The following THADA variants were observed in gnomAD, a reference collection of about 807,000 sequenced individuals.
THADA encodes the protein tRNA (32-2'-O)-methyltransferase regulator THADA.
Under a neutral mutation model 219.8 loss-of-function variants are expected in THADA, and 213 were observed. That is an observed-to-expected ratio of 0.97 (90% CI 0.87 to 1.09). The LOEUF is 1.09. Ranked by LOEUF, THADA falls within the 50% of genes least tolerant of loss-of-function variation. The probability of loss-of-function intolerance (pLI) is 0.00; values close to 1 mark genes in which losing one functional copy is unlikely to be tolerated. For synonymous variants in THADA, 1,018 were observed against 828.9 expected, an observed-to-expected ratio of 1.23 and a Z score of -3.92; for missense variants, 2,956 against 2,311.3, an observed-to-expected ratio of 1.28 and a Z score of -5.72.
At chr2:43,341,138 C>T (rs1667018242) in intron 30 of THADA, among the ~76,000 whole-genome samples, 1 of 152,106 alleles carries the variant, frequency 6.6e-6, no homozygotes, top group African/African-American at 2.4e-5. Flanking sequence ...TAAAAGTGTG[C>T]TGGGGAGCAA....
chr2:43,586,367 T>C (rs1280727929), intron 7 of THADA, 34 bp downstream of exon 7: 3 of 1,527,788 alleles, frequency 2.0e-6, no homozygotes, highest in Non-Finnish European at 2.6e-6. Flanking sequence ...CAACTGCAAG[T>C]GTGCACACAC....
At chr2:43,287,821 C>A (rs1011455523) in intron 34 of THADA, among the ~76,000 whole-genome samples, 3 of 152,310 alleles carry the variant, frequency 2.0e-5, no homozygotes, top group Middle Eastern at 3.4e-3. Context: ...TTGGGAGTAA[C>A]AGGTGATTAA....
intron 36 of THADA, among the ~76,000 whole-genome samples, chr2:43,275,526 G>A (rs986984197): frequency 6.6e-5 from 10 of 152,198 alleles, no homozygotes; most frequent in East Asian, 1.9e-4. Flanking sequence ...TAAGTGGAAC[G>A]TATGTGGTTC....
chr2:43,253,446 C>T (rs781315922), intron 36 of THADA, among the ~76,000 whole-genome samples: 1 of 152,072 alleles, frequency 6.6e-6, no homozygotes, highest in Non-Finnish European at 1.5e-5. Context: ...CACTACTGAA[C>T]CTTCTCTCTC....
intron 20 of THADA, among the ~76,000 whole-genome samples, chr2:43,543,474 A>C (rs2103829372): frequency 6.6e-6 from 1 of 151,080 alleles, no homozygotes; most frequent in Non-Finnish European, 1.5e-5. Context: ...TGGTTGAACT[A>C]GTTTACAGTC....
chr2:43,529,065 C>A (rs983168392), intron 21 of THADA, among the ~76,000 whole-genome samples: 2 of 152,048 alleles, frequency 1.3e-5, no homozygotes, highest in African/African-American at 4.8e-5. Context: ...CAAGACAGAA[C>A]CATGGAATTT....
intron 37 of THADA, 129 bp from the exon 38 acceptor site, chr2:43,231,472 T>C (rs13402621): frequency 0.23 from 204,578 of 907,738 alleles, 27,776 homozygotes; most frequent in African/African-American, 0.54. Context: ...GGTGCACTCT[T>C]GCCTGTCAAC....
Position 43,556,381 on chromosome 2 carries a change from T to C in THADA, c.2638A>G (p.Arg880Gly). The change falls in exon 17 of 38, where the codon AGG (arginine) becomes GGG (glycine). Residue 880 changes from arginine to glycine, a missense_variant. Physicochemically the swap from Arg to Gly is moderately radical, Grantham distance 125 (BLOSUM62 -2). Coordinates refer to ENST00000405975, the MANE Select transcript of THADA (RefSeq NM_022065.5). ...TQQVACDNGD[R>G]PAAVVERNTL... Reference sequence around the variant, plus strand: ...TTCCTTTCCACCACAGCAGCAGGCCTATCTCCATTATCACATGCAACTTGC... The same window carrying C: ...TTCCTTTCCACCACAGCAGCAGGCCCATCTCCATTATCACATGCAACTTGC... The C allele has an allele frequency of 2.5e-6, 4 of 1,613,906 alleles. No homozygotes were observed. Among genetic ancestry groups the C allele is most frequent in the Non-Finnish European group, 3.4e-6 (4 of 1,179,836 alleles).
chr2:43,376,983 T>C (rs1671452230), intron 29 of THADA, among the ~76,000 whole-genome samples: 1 of 152,096 alleles, frequency 6.6e-6, no homozygotes, highest in Non-Finnish European at 1.5e-5. Flanking sequence ...CTCAGGTCTG[T>C]TTTCCCATTC....
chr2:43,293,409 T>A (rs1558532587), intron 31 of THADA, among the ~76,000 whole-genome samples, 196 bp from the exon 32 acceptor site: 1 of 152,188 alleles, frequency 6.6e-6, no homozygotes, highest in Non-Finnish European at 1.5e-5. Context: ...TTAGGTAATG[T>A]ATAATTTTTC....
chr2:43,531,870 A>T (rs1323535206), intron 21 of THADA, among the ~76,000 whole-genome samples: 2 of 152,098 alleles, frequency 1.3e-5, no homozygotes, highest in East Asian at 1.9e-4. Context: ...TAATTTTTTT[A>T]AAAAAACCTC....
chr2:43,265,712 A>G (rs1284241944), intron 36 of THADA, among the ~76,000 whole-genome samples: 3 of 152,178 alleles, frequency 2.0e-5, no homozygotes, highest in Non-Finnish European at 4.4e-5. Flanking sequence ...CTGTAACTCA[A>G]AACTTGAAAA....
intron 30 of THADA, among the ~76,000 whole-genome samples, chr2:43,325,056 G>T (rs558110619): frequency 6.6e-6 from 1 of 152,278 alleles, no homozygotes; most frequent in East Asian, 1.9e-4. Flanking sequence ...TTTACCATTT[G>T]TCCTTTTAAA....
intron 29 of THADA, among the ~76,000 whole-genome samples, chr2:43,383,366 C>T (rs932219839): frequency 7.2e-5 from 11 of 152,114 alleles, no homozygotes; most frequent in Non-Finnish European, 1.5e-4. Context: ...TAAAGAATTA[C>T]GTGACAGCTA....
chr2:43,296,811 C>G (rs1675445383), intron 31 of THADA, among the ~76,000 whole-genome samples: 1 of 152,180 alleles, frequency 6.6e-6, no homozygotes, highest in Admixed American at 6.5e-5. Context: ...AAATATGGCT[C>G]AGAAATCTGC....
chr2:43,365,576 C>CACACACACAA (rs1183407543), intron 29 of THADA, among the ~76,000 whole-genome samples: 15 of 151,436 alleles, frequency 9.9e-5, no homozygotes, highest in Non-Finnish European at 1.5e-4. Flanking sequence ...GACACACACA[C>CACACACACAA]ACACACACAC....
chr2:43,588,064 A>C (rs1277810601), intron 4 of THADA, among the ~76,000 whole-genome samples: 2 of 152,222 alleles, frequency 1.3e-5, no homozygotes, highest in Admixed American at 6.5e-5. Context: ...AAACTATAGT[A>C]AATAAAAGTG....
intron 31 of THADA, among the ~76,000 whole-genome samples, chr2:43,305,192 G>C (rs1676715779): frequency 6.6e-6 from 1 of 151,746 alleles, no homozygotes; most frequent in African/African-American, 2.4e-5. Context: ...GTAGAGAAAA[G>C]GAAACCATAG....
In THADA at chr2:43,483,414, C is replaced by T. The variant is rs192892070; in HGVS notation, c.3836+1820G>A. 2.0e-4 allele frequency among the ~76,000 whole-genome samples: 30 copies of T among 152,176 alleles called. 1 individual carries two copies. The East Asian group carries it at 3.9e-3, about 20-fold the overall frequency. ...ACACTAAAGGTTTTGCAAAGCAAAC[C>T]TAATGGGAGCTGCCAAGAAATATAT... On this transcript the variant is annotated intron_variant, in intron 26 of 37. Transcript: ENST00000405975.
Sources: gnomAD v4.1 joint callset for allele counts (sites outside exome capture counted in the v4.1 genomes callset) on GRCh38, gnomAD v4.1.1 for gene constraint, MANE v1.5 for transcripts, NCBI Gene and HGNC (gene_info 2026-07-23, HGNC 2026-07-21) for gene names.